The following IQSEC2 variants were observed in gnomAD, a reference collection of about 807,000 sequenced individuals.
IQSEC2 encodes the protein IQ motif and SEC7 domain-containing protein 2.
Under a neutral mutation model 74.6 loss-of-function variants are expected in IQSEC2, and 6 were observed. The observed-to-expected ratio is 0.08, with a 90% CI of 0.04 to 0.16. IQSEC2 has a LOEUF of 0.16. IQSEC2 is among the 10% of genes least tolerant of loss of function. The pLI is 1.00. For synonymous variants in IQSEC2, 494 were observed against 544.5 expected (o/e 0.91, Z 1.29); for missense variants, 734 against 1,306.2 (o/e 0.56, Z 6.75).
In IQSEC2 at chrX:53,235,163, G is replaced by A. The variant is rs1300877733; in HGVS notation, c.3523C>T (p.Arg1175Cys). The A allele has an allele frequency of 1.2e-5, 14 of 1,160,588 alleles. No homozygotes were observed. The highest frequency in any genetic ancestry group is 3.3e-5 in the East Asian group (1 of 30,623). ...GGAGGTGGCATCCTCTGGTGAGGGC[G>A]TGGACTGCTAATAACAGACCCCTGG... ...TIEGSVISSPRPHQRMPPPPP... is the reference protein window; with the variant it reads ...TIEGSVISSPCPHQRMPPPPP... Residue 1175 changes from arginine to cysteine, a missense_variant, in exon 15 of 15, where the codon CGC (arginine) becomes TGC (cysteine). By Grantham distance (180) the Arg-to-Cys change is radical. Coordinates refer to ENST00000642864, the MANE Select transcript of IQSEC2 (RefSeq NM_001111125.3).
intron 2 of IQSEC2, among the ~76,000 whole-genome samples, chrX:53,272,683 C>T (rs192390130): frequency 1.9e-4 from 21 of 111,490 alleles, no homozygotes; most frequent in Non-Finnish European, 3.4e-4. Context: ...TTCCCAGGAA[C>T]GCCTACTCTT....
At chrX:53,276,180 C>T (rs1411999547) in intron 2 of IQSEC2, among the ~76,000 whole-genome samples, 1 of 112,373 alleles carries the variant, frequency 8.9e-6, no homozygotes, top group Non-Finnish European at 1.9e-5. Context: ...TGACTCTTCT[C>T]ATCCAAGAAC....
chrX:53,263,146 G>A (rs1396336721), intron 2 of IQSEC2, among the ~76,000 whole-genome samples: 1 of 112,010 alleles, frequency 8.9e-6, no homozygotes, highest in Non-Finnish European at 1.9e-5. Context: ...ACAAAGGATC[G>A]CATGCTGGGT....
At chrX:53,247,243 T>C in intron 7 of IQSEC2, 108 bp from the exon 8 acceptor site, 1 of 778,205 alleles carries the variant, frequency 1.3e-6, no homozygotes, top group Non-Finnish European at 1.9e-6. Context: ...AAATACTTTC[T>C]TGATCTCTGG....
At chrX:53,255,345 C>T (rs1362114986) in intron 3 of IQSEC2, among the ~76,000 whole-genome samples, 1 of 111,638 alleles carries the variant, frequency 9.0e-6, no homozygotes, top group Non-Finnish European at 1.9e-5. Context: ...ACATTCCAAA[C>T]ACCTAAGCAT....
chrX:53,243,832 T>C (rs143275034), intron 8 of IQSEC2, among the ~76,000 whole-genome samples: 2,316 of 112,426 alleles, frequency 0.021, 54 homozygotes, highest in African/African-American at 0.071. Flanking sequence ...GGAAGGTAAT[T>C]TGGCAAGAAC....
intron 2 of IQSEC2, among the ~76,000 whole-genome samples, chrX:53,262,223 A>G (rs1684019140): frequency 8.9e-6 from 1 of 112,326 alleles, no homozygotes; most frequent in South Asian, 3.7e-4. Context: ...AGGATGTTCC[A>G]CAGGGATCTG....
downstream of IQSEC2, chrX:53,226,623 G>A (rs1207913515): frequency 8.9e-6 from 1 of 112,057 alleles, no homozygotes; most frequent in East Asian, 2.8e-4. Context: ...TCATACCTTC[G>A]TGCAGTTAAC....
intron 8 of IQSEC2, among the ~76,000 whole-genome samples, chrX:53,246,121 C>A (rs1314227119): frequency 3.6e-5 from 4 of 111,565 alleles, no homozygotes; most frequent in African/African-American, 1.3e-4. Context: ...CTCAGCCTCA[C>A]AAAGTGCTGG....
intron 2 of IQSEC2, among the ~76,000 whole-genome samples, chrX:53,289,020 C>G (rs1157868269): frequency 9.1e-6 from 1 of 109,574 alleles, no homozygotes; most frequent in Non-Finnish European, 1.9e-5. Context: ...CTCTGGCACC[C>G]CATACTTTAG....
At chrX:53,296,196 C>T (rs890664463) in intron 1 of IQSEC2, among the ~76,000 whole-genome samples, 2 of 110,302 alleles carry the variant, frequency 1.8e-5, no homozygotes, top group East Asian at 2.9e-4. Context: ...CCATCATGCC[C>T]GGCTAATTCT....
intron 2 of IQSEC2, among the ~76,000 whole-genome samples, chrX:53,280,402 A>T (rs193245550): frequency 2.4e-3 from 272 of 111,068 alleles, no homozygotes; most frequent in African/African-American, 8.1e-3. Flanking sequence ...AAAGACAGAG[A>T]AAGAGGAAGA....
In IQSEC2 at chrX:53,234,265, C is replaced by T; in HGVS notation, c.4421G>A (p.Ser1474Asn). 1.9e-6 allele frequency: 2 copies of T among 1,039,094 alleles called. No homozygotes were observed. Among genetic ancestry groups the T allele is most frequent in the Non-Finnish European group, 1.2e-6 (1 of 802,474 alleles). 85.6% of individuals were successfully genotyped at this position (1,039,094 alleles called of 1,213,427 possible). A position where few individuals can be genotyped will look rare whatever the true frequency, so the allele number is the denominator to read the frequency against. The change falls in exon 15 of 15, where the codon AGT becomes AAT. Residue 1474 changes from serine to asparagine, a missense_variant. By Grantham distance (46) the Ser-to-Asn change is conservative. Around this residue, in one of 12 missense-constraint regions of IQSEC2, gnomAD observed 38 missense variants for 36.7 expected, o/e 1.04. Transcript: ENST00000642864. ...GCTTGGCTTGGCCTTGGGGTTTGCA[C>T]TGGGGGGGTTGGCTGTGCCAGGGGG... ...SGPPGTANPP[S>N]ANPKAKPSRI...
chrX:53,298,309 G>T (rs182753362), intron 1 of IQSEC2, among the ~76,000 whole-genome samples: 1 of 109,718 alleles, frequency 9.1e-6, no homozygotes, highest in African/African-American at 3.3e-5. Flanking sequence ...GAGAAAGGAG[G>T]CATAGGACTT....
chrX:53,250,726 C>T lies in IQSEC2; in HGVS notation c.1850G>A (p.Arg617His), dbSNP rs1299438032. ...SDRSDRGSVH[R>H]QLVYEADGCS... ...GCCATCAGCCTCATACACCAGCTGG[C>T]GGTGGACAGAGCCGCGATCTGAGCG... is the stretch of plus-strand genomic sequence containing the variant. The change falls in exon 5 of 15, where the codon CGC becomes CAC. Residue 617 changes from arginine to histidine, a missense_variant. Physicochemically the swap from Arg to His is conservative, Grantham distance 29. Around this residue, in one of 12 missense-constraint regions of IQSEC2, gnomAD observed 204 missense variants for 305.4 expected, o/e 0.67. Coordinates refer to ENST00000642864, the MANE Select transcript of IQSEC2 (RefSeq NM_001111125.3). The T allele has an allele frequency of 5.8e-6, 7 of 1,209,788 alleles. No individual in the cohort carries two copies. The highest frequency in any genetic ancestry group is 1.8e-5 in the South Asian group (1 of 56,812).
chrX:53,231,902 G>T (rs1556858441), downstream of IQSEC2: 1 of 111,630 alleles, frequency 9.0e-6, no homozygotes, highest in Non-Finnish European at 1.9e-5. Context: ...AGAAAACAAA[G>T]AATTGGTCTG....
At position 53,235,858 on chromosome X, in the gene IQSEC2, C is replaced by T. The variant is rs782608283; in HGVS notation, c.3452-26G>A. 4.5e-5 allele frequency: 52 copies of T among 1,153,133 alleles called. 1 individual carries two copies. The highest frequency in any genetic ancestry group is 2.6e-5 in the Admixed American group (1 of 38,245). Reference sequence around the variant, plus strand: ...CTGCACCCACAAGCAAGGAGCCCAGCGTCAGAGCAGCAACCCCCCCCCTAC... The same window carrying T: ...CTGCACCCACAAGCAAGGAGCCCAGTGTCAGAGCAGCAACCCCCCCCCTAC... On this transcript the variant is annotated intron_variant, in intron 13 of 14. Coordinates refer to ENST00000642864, the MANE Select transcript of IQSEC2 (RefSeq NM_001111125.3).
intron 9 of IQSEC2, among the ~76,000 whole-genome samples, chrX:53,242,885 A>C (rs2074246441): frequency 9.0e-6 from 1 of 111,312 alleles, no homozygotes; most frequent in Non-Finnish European, 1.9e-5. Context: ...CCAGGCATGC[A>C]CCATCACGCC....
At chrX:53,306,881 G>C (rs1556876764) in intron 1 of IQSEC2, among the ~76,000 whole-genome samples, 1 of 111,070 alleles carries the variant, frequency 9.0e-6, no homozygotes, top group East Asian at 2.8e-4. Flanking sequence ...CAGGCCAGCA[G>C]AGGCCCAGAG....
Sources: gnomAD v4.1 joint callset for allele counts (sites outside exome capture counted in the v4.1 genomes callset) on GRCh38, gnomAD v4.1.1 for gene constraint, gnomAD v4.1.1 regional missense constraint, MANE v1.5 for transcripts, NCBI Gene and HGNC (gene_info 2026-07-23, HGNC 2026-07-21) for gene names.